CXCR6: variants seen among roughly 807,000 people sequenced by gnomAD.
CXCR6 encodes C-X-C chemokine receptor type 6.
Under a neutral mutation model 1.6 loss-of-function variants are expected in CXCR6, and 3 were observed. The ratio of observed to expected loss-of-function variants is 1.83; its 90% CI spans 0.83 to 4.72. The LOEUF (loss-of-function observed/expected upper bound fraction) is 4.72. Ranked by LOEUF, CXCR6 falls within the 30% of genes most tolerant of loss-of-function variation. The probability of loss-of-function intolerance (pLI) is 0.02; values close to 1 mark genes in which losing one functional copy is unlikely to be tolerated. For synonymous variants in CXCR6, 171 were observed against 159.2 expected (o/e 1.07, Z -0.56); for missense variants, 326 against 414.8 (o/e 0.79, Z 1.86).
chr3:45,943,147 CA>C (rs1465999901), upstream of CXCR6, among the ~76,000 whole-genome samples: 1 of 152,176 alleles, frequency 6.6e-6, no homozygotes, highest in Non-Finnish European at 1.5e-5. Flanking sequence ...CTAACTGTTC[CA>C]AAAAGATGTC....
rs375592370 is a variant in CXCR6, at chr3:45,947,405, C to T, written c.924C>T (p.Cys308=). 1.9e-6 allele frequency: 3 copies of T among 1,614,074 alleles called. No homozygotes were observed. Among genetic ancestry groups the T allele is most frequent in the Non-Finnish European group, 2.5e-6 (3 of 1,180,020 alleles). Residue 308 remains cysteine, a synonymous_variant, in exon 2 of 2, where the codon TGC becomes TGT. Coordinates refer to ENST00000304552, the MANE Select transcript of CXCR6 (RefSeq NM_006564.2). ...NFWKLVKDIG[C]LPYLGVSHQW... is the part of the protein sequence containing the mutation. ...GGAAACTTGTGAAGGACATTGGTTGCCTCCCTTACCTTGGGGTCTCACATC... is the reference window on the plus strand; with the variant it reads ...GGAAACTTGTGAAGGACATTGGTTGTCTCCCTTACCTTGGGGTCTCACATC...
chr3:45,946,454 C>T lies in CXCR6; in HGVS notation c.-21-7C>T, dbSNP rs1222033673. The T allele has an allele frequency of 6.3e-7, 1 of 1,578,196 alleles. No individual in the cohort carries two copies. Among genetic ancestry groups the T allele is most frequent in the Admixed American group, 1.7e-5 (1 of 59,064 alleles). On this transcript the variant is annotated splice_region_variant and splice_polypyrimidine_tract_variant and intron_variant, in intron 1 of 1. Coordinates refer to ENST00000304552, the MANE Select transcript of CXCR6 (RefSeq NM_006564.2). Reference sequence around the variant, plus strand: ...CCCAAATATAATTCCTGGGTTCTGACTCACAGGTGTTCATCAGAACAGACA... The same window carrying T: ...CCCAAATATAATTCCTGGGTTCTGATTCACAGGTGTTCATCAGAACAGACA...
rs1487349974 is a variant in CXCR6, at chr3:45,946,779, G to T, written c.298G>T (p.Val100Phe). 1.2e-6 allele frequency: 2 copies of T among 1,612,916 alleles called. No individual in the cohort carries two copies. The highest frequency in any genetic ancestry group is 1.7e-6 in the Non-Finnish European group (2 of 1,179,670). Residue 100 changes from valine to phenylalanine, a missense_variant, in exon 2 of 2, where the codon GTC becomes TTC. Val to Phe is a conservative substitution (Grantham distance 50). Coordinates refer to ENST00000304552, the MANE Select transcript of CXCR6 (RefSeq NM_006564.2). ...CATCCATGAATGGGTGTTTGGCCAG[G>T]TCATGTGCAAGAGCCTACTGGGCAT... is the stretch of plus-strand genomic sequence containing the variant. ...AGIHEWVFGQ[V>F]MCKSLLGIYT... is the part of the protein sequence containing the mutation.
chr3:45,942,517 C>T (rs1257103025), upstream of CXCR6, among the ~76,000 whole-genome samples: 8 of 152,108 alleles, frequency 5.3e-5, no homozygotes, highest in Admixed American at 3.3e-4. Context: ...AGTGCAGAGC[C>T]AGAGAAGGCA....
upstream of CXCR6, among the ~76,000 whole-genome samples, chr3:45,941,609 T>C (rs538856781): frequency 6.6e-6 from 1 of 152,344 alleles, no homozygotes; most frequent in Admixed American, 6.5e-5. Flanking sequence ...TGAAAGTCTT[T>C]TGTACTATAG....
chr3:45,943,396 G>C (rs990936931), upstream of CXCR6: 2 of 152,180 alleles, frequency 1.3e-5, no homozygotes, highest in Admixed American at 6.5e-5. Context: ...AAGGACGGGA[G>C]TAGGGGGTGG....
upstream of CXCR6, among the ~76,000 whole-genome samples, chr3:45,943,169 A>G (rs1042684259): frequency 2.8e-4 from 43 of 152,240 alleles, no homozygotes; most frequent in Non-Finnish European, 3.2e-4. Context: ...TGACTAGTGA[A>G]TTAAGTAATT....
rs1704653280 is a variant in CXCR6, at chr3:45,946,925, C to T, written c.444C>T (p.Gly148=). Reference sequence around the variant, plus strand: ...AGCAAGCCAAGAGGATGACCTGGGGCAAGGTCACCAGCTTGCTCATCTGGG... The same window carrying T: ...AGCAAGCCAAGAGGATGACCTGGGGTAAGGTCACCAGCTTGCTCATCTGGG... The part of the protein sequence containing the change: ...YNQQAKRMTW[G]KVTSLLIWVI... The change falls in exon 2 of 2, where the codon GGC becomes GGT. Residue 148 remains glycine (G), a synonymous_variant. Coordinates refer to ENST00000304552, the MANE Select transcript of CXCR6 (RefSeq NM_006564.2). 6.2e-7 allele frequency: 1 copy of T among 1,614,090 alleles called. No homozygotes were observed. The highest frequency in any genetic ancestry group is 8.5e-7 in the Non-Finnish European group (1 of 1,180,032).
rs1406291791 is a variant in CXCR6 at position 45,947,182 on chromosome 3, T to C, written c.701T>C (p.Phe234Ser). Residue 234 changes from phenylalanine (F) to serine (S), a missense_variant, in exon 2 of 2, where the codon TTC becomes TCC. Transcript: ENST00000304552. The stretch of plus-strand genomic sequence containing the variant: ...AAGCACAGATCTCTAAAGATCATCT[T>C]CCTGGTGATGGCTGTGTTCCTGCTG... ...FQKHRSLKII[F>S]LVMAVFLLTQ... 1 of 1,614,210 alleles carries C rather than the reference T, an allele frequency of 6.2e-7. No individual in the cohort carries two copies. The highest frequency in any genetic ancestry group is 8.5e-7 in the Non-Finnish European group (1 of 1,180,032).
chr3:45,944,558 G>A (rs964251990), intron 1 of CXCR6, among the ~76,000 whole-genome samples: 14 of 151,872 alleles, frequency 9.2e-5, no homozygotes, highest in Non-Finnish European at 1.9e-4. Context: ...AACAAAATAG[G>A]ATTTTAATTA....
upstream of CXCR6, among the ~76,000 whole-genome samples, chr3:45,941,636 G>T (rs1330650922): frequency 2.6e-5 from 4 of 152,134 alleles, no homozygotes; most frequent in African/African-American, 9.7e-5. Flanking sequence ...TTCTATTAAA[G>T]AATGGCCACG....
chr3:45,946,409 C>T (rs1704607656), intron 1 of CXCR6, 52 bp from the exon 2 acceptor site: 1 of 1,372,238 alleles, frequency 7.3e-7, no homozygotes, highest in South Asian at 1.3e-5. Context: ...AGCAGGAAGA[C>T]AAAGAATGCC....
At chr3:45,944,182 G>C (rs1484321036) in intron 1 of CXCR6, among the ~76,000 whole-genome samples, 8 of 146,660 alleles carry the variant, frequency 5.5e-5, no homozygotes, top group African/African-American at 1.9e-4. Context: ...GTGTTTGTGT[G>C]TGTGCGTGTG....
intron 1 of CXCR6, among the ~76,000 whole-genome samples, chr3:45,944,675 T>A (rs967010345): frequency 2.0e-5 from 3 of 152,232 alleles, no homozygotes; most frequent in Admixed American, 2.0e-4. Flanking sequence ...CCAATTATTA[T>A]ACATCAAAGT....
At position 45,946,652 on chromosome 3, in the gene CXCR6, C is replaced by A; in HGVS notation, c.171C>A (p.Ile57=). 3 of 1,614,208 alleles carry A rather than the reference C, an allele frequency of 1.9e-6. No homozygotes were observed. The South Asian group carries it at 3.3e-5, about 18-fold the overall frequency. The change falls in exon 2 of 2, where the codon ATC becomes ATA. Residue 57 remains isoleucine, a synonymous_variant. Transcript: ENST00000304552. The stretch of plus-strand genomic sequence containing the variant: ...ACTCTCTGGTGCTGGTCATATCCAT[C>A]TTCTACCATAAGTTGCAGAGCCTGA... ...VGNSLVLVIS[I]FYHKLQSLTD...
Position 45,946,494 on chromosome 3 carries a change from G to A in CXCR6, c.13G>A (p.Asp5Asn). Residue 5 changes from aspartate (D) to asparagine (N), a missense_variant, in exon 2 of 2, where the codon GAT (aspartate) becomes AAT (asparagine). Asp to Asn is a conservative substitution (Grantham distance 23). Coordinates refer to ENST00000304552, the MANE Select transcript of CXCR6 (RefSeq NM_006564.2). MAEH[D>N]YHEDYGFSSF... ...CAGAACAGACACCATGGCAGAGCAT[G>A]ATTACCATGAAGACTATGGGTTCAG... The A allele has an allele frequency of 6.2e-7, 1 of 1,613,030 alleles. No homozygotes were observed. Among genetic ancestry groups the A allele is most frequent in the South Asian group, 1.1e-5 (1 of 90,984 alleles).
Position 45,946,544 on chromosome 3 carries a change from G to A in CXCR6, c.63G>A (p.Glu21=). The A allele has an allele frequency of 1.2e-6, 2 of 1,614,194 alleles. No individual in the cohort carries two copies. Among genetic ancestry groups the A allele is most frequent in the Admixed American group, 1.7e-5 (1 of 60,022 alleles). The part of the protein sequence containing the change: ...GFSSFNDSSQ[E]EHQDFLQFSK... Reference sequence around the variant, plus strand: ...GCAGTTTCAATGACAGCAGCCAGGAGGAGCATCAAGACTTCCTGCAGTTCA... The same window carrying A: ...GCAGTTTCAATGACAGCAGCCAGGAAGAGCATCAAGACTTCCTGCAGTTCA... The change falls in exon 2 of 2, where the codon GAG becomes GAA. Residue 21 remains glutamate (E), a synonymous_variant. Transcript: ENST00000304552.
upstream of CXCR6, among the ~76,000 whole-genome samples, chr3:45,943,129 C>T (rs1475747242): frequency 6.6e-6 from 1 of 152,168 alleles, no homozygotes; most frequent in Non-Finnish European, 1.5e-5. Flanking sequence ...TCAGCATTGG[C>T]CCAGACCCTA....
At position 45,947,397 on chromosome 3, in the gene CXCR6, A is replaced by G. The variant is rs746418739; in HGVS notation, c.916A>G (p.Ile306Val). 4.3e-6 allele frequency: 7 copies of G among 1,614,238 alleles called. No individual in the cohort carries two copies. The Admixed American group carries it at 5.0e-5, about 12-fold the overall frequency. The change falls in exon 2 of 2, where the codon ATT becomes GTT. Residue 306 changes from isoleucine to valine, a missense_variant. By Grantham distance (29) the Ile-to-Val change is conservative (BLOSUM62 3). Transcript: ENST00000304552. The part of the protein sequence containing the change: ...RKNFWKLVKD[I>V]GCLPYLGVSH... Reference sequence around the variant, plus strand: ...GAACTTCTGGAAACTTGTGAAGGACATTGGTTGCCTCCCTTACCTTGGGGT... The same window carrying G: ...GAACTTCTGGAAACTTGTGAAGGACGTTGGTTGCCTCCCTTACCTTGGGGT...
Sources: allele counts gnomAD v4.1 joint callset (sites outside exome capture counted in the v4.1 genomes callset), GRCh38; gene constraint gnomAD v4.1.1; transcripts MANE v1.5; gene names NCBI Gene and HGNC (gene_info 2026-07-23, HGNC 2026-07-21).